GRB10: variants seen among roughly 807,000 people sequenced by gnomAD.
GRB10 encodes the protein growth factor receptor-bound protein 10.
In GRB10, 20 loss-of-function variants were observed where a neutral mutation model predicts 80.9. That is an observed-to-expected ratio of 0.25 (90% CI 0.17 to 0.36). The LOEUF (loss-of-function observed/expected upper bound fraction) is 0.36. Ranked by LOEUF, GRB10 falls within the 10% of genes least tolerant of loss-of-function variation. The pLI, the probability that GRB10 is intolerant of heterozygous loss-of-function variation, is 1.00. For missense variants in GRB10, 548 were observed against 747.7 expected, an observed-to-expected ratio of 0.73 and a Z score of 3.12; for synonymous variants, 291 against 291.5, an observed-to-expected ratio of 1.00 and a Z score of 0.02.
At chr7:50,780,117 T>G (rs1458110393) in intron 2 of GRB10, among the ~76,000 whole-genome samples, 5 of 152,116 alleles carry the variant, frequency 3.3e-5, no homozygotes, top group African/African-American at 1.2e-4. Context: ...CCATTCCACA[T>G]GAAAACAGAA....
At chr7:50,595,608 C>T in intron 17 of GRB10, 78 bp from the exon 18 acceptor site, 1 of 678,888 alleles carries the variant, frequency 1.5e-6, no homozygotes, top group South Asian at 1.5e-5. Flanking sequence ...CTCTTACACA[C>T]ACACACACAC....
chr7:50,773,880 C>T (rs569001864), intron 2 of GRB10, among the ~76,000 whole-genome samples: 12 of 152,280 alleles, frequency 7.9e-5, no homozygotes, highest in South Asian at 2.1e-4. Context: ...TATTTTGAGA[C>T]GAAGTCTCGC....
chr7:50,729,649 G>A (rs991753760), intron 4 of GRB10, among the ~76,000 whole-genome samples: 32 of 152,244 alleles, frequency 2.1e-4, no homozygotes, highest in African/African-American at 7.2e-4. Context: ...CATAATAAAT[G>A]AGGAAATTTC....
intron 5 of GRB10, among the ~76,000 whole-genome samples, chr7:50,692,184 G>A (rs142398163): frequency 4.6e-4 from 70 of 152,256 alleles, no homozygotes; most frequent in African/African-American, 1.7e-3. Flanking sequence ...GGGAGAAAAT[G>A]TGTAGGTTAT....
chr7:50,747,793 A>G (rs1400813009), intron 3 of GRB10: 1 of 152,350 alleles, frequency 6.6e-6, no homozygotes, highest in African/African-American at 2.4e-5. Flanking sequence ...GGGACACGTG[A>G]AAGAAAAGCG....
rs142294852 is a variant in GRB10, at chr7:50,694,468, C to G, written c.139+9353G>C. On this transcript the variant is annotated intron_variant, in intron 5 of 18. Transcript: ENST00000401949. ...ACATGCTAAAAATGAGTTTTGGGCT[C>G]TCTGCCAAACTCTCATAGAGTGGAT... 2.2e-4 allele frequency among the ~76,000 whole-genome samples: 34 copies of G among 152,342 alleles called. 1 individual carries two copies. The highest frequency in any genetic ancestry group is 1.2e-3 in the Admixed American group (18 of 15,306).
intron 15 of GRB10, among the ~76,000 whole-genome samples, chr7:50,604,599 T>C (rs3779073): frequency 2.0e-5 from 3 of 151,994 alleles, no homozygotes; most frequent in East Asian, 3.9e-4. Flanking sequence ...AGTATCGAAG[T>C]AGACATGCTT....
chr7:50,698,930 C>A (rs969541453), intron 5 of GRB10, among the ~76,000 whole-genome samples: 3 of 152,216 alleles, frequency 2.0e-5, no homozygotes, highest in African/African-American at 7.2e-5. Context: ...GATCCATGAT[C>A]ATAATATAGC....
intron 8 of GRB10, among the ~76,000 whole-genome samples, 185 bp downstream of exon 8, chr7:50,626,637 G>A (rs1162561437): frequency 6.6e-6 from 1 of 152,238 alleles, no homozygotes; most frequent in Non-Finnish European, 1.5e-5. Context: ...AGTACTAGGG[G>A]AAAGGGGCTG....
chr7:50,752,687 G>C (rs1381797152), intron 3 of GRB10, among the ~76,000 whole-genome samples: 1 of 152,148 alleles, frequency 6.6e-6, no homozygotes, highest in African/African-American at 2.4e-5. Context: ...AGCAAGAGCT[G>C]TACCATCGCA....
At chr7:50,629,108 C>T (rs2053528453) in intron 7 of GRB10, among the ~76,000 whole-genome samples, 1 of 152,206 alleles carries the variant, frequency 6.6e-6, no homozygotes, top group South Asian at 2.1e-4. Flanking sequence ...TCCTAATGCT[C>T]TTCTTCCCTG....
At chr7:50,793,033 G>C (rs944435696) in intron 1 of GRB10, 29 of 142,522 alleles carry the variant, frequency 2.0e-4, no homozygotes, top group Admixed American at 2.1e-4. Context: ...TGCGGGCCCG[G>C]GGCGCCGGAG....
At chr7:50,626,015 A>G (rs1355238120) in intron 8 of GRB10, among the ~76,000 whole-genome samples, 1 of 152,240 alleles carries the variant, frequency 6.6e-6, no homozygotes, top group African/African-American at 2.4e-5. Flanking sequence ...CATGGAACAA[A>G]TATAGCTGTT....
intron 9 of GRB10, 86 bp downstream of exon 9, chr7:50,619,084 C>T (rs2051176447): frequency 2.5e-6 from 2 of 799,474 alleles, no homozygotes; most frequent in Non-Finnish European, 4.4e-6. Context: ...CTCTCAGTCA[C>T]TTTCTAATCT....
At chr7:50,667,597 C>T (rs114733704) in intron 7 of GRB10, among the ~76,000 whole-genome samples, 127 of 151,614 alleles carry the variant, frequency 8.4e-4, no homozygotes, top group African/African-American at 3.1e-3. Flanking sequence ...TGAGAAAACA[C>T]ACTTTTCATG....
intron 7 of GRB10, among the ~76,000 whole-genome samples, chr7:50,650,429 G>C (rs1420900027): frequency 7.0e-6 from 1 of 142,484 alleles, no homozygotes; most frequent in Non-Finnish European, 1.5e-5. Flanking sequence ...CAGCCAGAGA[G>C]GAATGTGGCC....
In GRB10 at chr7:50,732,181, CAGAAACGATCCATGG is replaced by C. The variant is rs1293644691; in HGVS notation, c.51+76_51+90del. The C allele has an allele frequency of 6.6e-6, 9 of 1,356,140 alleles. No homozygotes were observed. The African/African-American group carries it at 1.3e-4, about 19-fold the overall frequency. The allele number at this position is 1,356,140 out of a possible 1,614,324, so 84.0% of individuals were successfully genotyped here. A position where few individuals can be genotyped will look rare whatever the true frequency, so the allele number is the denominator to read the frequency against. ...GCGTGTCCTAGTGACCTGAGAGCTACAGAAACGATCCATGGCTGCTGGCGACATGTGTGCCCTGGC... is the reference window on the plus strand; with the variant it reads ...GCGTGTCCTAGTGACCTGAGAGCTACCTGCTGGCGACATGTGTGCCCTGGC... On this transcript the variant is annotated intron_variant, in intron 4 of 18. Transcript: ENST00000401949.
chr7:50,749,134 G>GTTTTTTTTTT lies in GRB10; in HGVS notation c.-47+6743_-47+6752dup. Among the ~76,000 whole-genome samples the GTTTTTTTTTT allele has an allele frequency of 1.5e-5, 2 of 137,900 alleles. 1 individual carries two copies. The highest frequency in any genetic ancestry group is 3.1e-5 in the Non-Finnish European group (2 of 64,756). The allele number at this position is 137,900 out of a possible 152,430, so 90.5% of individuals were successfully genotyped here. ...TTTGTTTTGTTTTGTTTTTTTGTTT[G>GTTTTTTTTTT]TTTTTTTTTTTTGAGATGGAGTCTC... On this transcript the variant is annotated intron_variant, in intron 3 of 18. Transcript: ENST00000401949.
intron 3 of GRB10, among the ~76,000 whole-genome samples, chr7:50,748,362 G>A (rs11761075): frequency 0.013 from 1,997 of 152,344 alleles, 21 homozygotes; most frequent in Non-Finnish European, 0.02. Context: ...AGATGGACAC[G>A]AGTGGGCACC....
Sources: gnomAD v4.1 joint callset for allele counts (sites outside exome capture counted in the v4.1 genomes callset) on GRCh38, gnomAD v4.1.1 for gene constraint, MANE v1.5 for transcripts, NCBI Gene and HGNC (gene_info 2026-07-23, HGNC 2026-07-21) for gene names.